The following NKAIN3 variants were observed in gnomAD, a reference collection of about 807,000 sequenced individuals.
The protein encoded by NKAIN3 is sodium/potassium-transporting ATPase subunit beta-1-interacting protein 3.
Under a neutral mutation model 30.2 loss-of-function variants are expected in NKAIN3, and 25 were observed. The ratio of observed to expected loss-of-function variants is 0.83; its 90% CI spans 0.60 to 1.16. NKAIN3 has a LOEUF of 1.16. Ranked by LOEUF, NKAIN3 falls within the 50% of genes most tolerant of loss-of-function variation. The pLI is 0.00. For missense variants in NKAIN3, 225 were observed against 254.1 expected (o/e 0.89, Z 0.78); for synonymous variants, 91 against 89.6 (o/e 1.02, Z -0.09).
chr8:62,942,861 G>A (rs192807581), intron 5 of NKAIN3, among the ~76,000 whole-genome samples: 55 of 151,748 alleles, frequency 3.6e-4, no homozygotes, highest in Admixed American at 3.1e-3. Context: ...CTCATCTTTC[G>A]CCTTATATGT....
chr8:62,907,698 T>C (rs1394212117), intron 4 of NKAIN3, among the ~76,000 whole-genome samples: 1 of 152,202 alleles, frequency 6.6e-6, no homozygotes, highest in Non-Finnish European at 1.5e-5. Flanking sequence ...CTTGGCAGCA[T>C]ACACGTGGTA....
intron 4 of NKAIN3, chr8:62,863,102 C>T: frequency 7.8e-7 from 1 of 1,278,014 alleles, no homozygotes; most frequent in Non-Finnish European, 1.1e-6. Flanking sequence ...AAAGGGTATT[C>T]CCCATCCTGC....
chr8:62,716,153 G>A (rs769211419), intron 3 of NKAIN3, among the ~76,000 whole-genome samples: 8 of 151,976 alleles, frequency 5.3e-5, no homozygotes, highest in Admixed American at 2.0e-4. Flanking sequence ...TCCTGTAGCT[G>A]CACAGTCAAT....
intron 1 of NKAIN3, among the ~76,000 whole-genome samples, chr8:62,412,922 C>A (rs76479851): frequency 0.36 from 27,667 of 77,542 alleles, 3,114 homozygotes; most frequent in East Asian, 0.55. Flanking sequence ...AAAAAAAAAA[C>A]AAAAAAAAAA....
At chr8:62,829,242 G>A (rs1417927069) in intron 4 of NKAIN3, among the ~76,000 whole-genome samples, 1 of 152,182 alleles carries the variant, frequency 6.6e-6, no homozygotes, top group East Asian at 1.9e-4. Context: ...ATGATCTGAA[G>A]TGTTGTGAAA....
At chr8:62,938,201 C>T (rs1822847192) in intron 5 of NKAIN3, among the ~76,000 whole-genome samples, 1 of 152,060 alleles carries the variant, frequency 6.6e-6, no homozygotes, top group Non-Finnish European at 1.5e-5. Flanking sequence ...AGTGCTCCTC[C>T]AGGTGACCGT....
intron 3 of NKAIN3, among the ~76,000 whole-genome samples, chr8:62,615,876 T>G (rs1380039589): frequency 1.3e-5 from 2 of 151,946 alleles, no homozygotes; most frequent in African/African-American, 2.4e-5. Context: ...GATTCTAGAC[T>G]TTTTTTTAAT....
intron 4 of NKAIN3, among the ~76,000 whole-genome samples, chr8:62,798,553 C>T (rs1817945056): frequency 6.7e-6 from 1 of 150,360 alleles, no homozygotes; most frequent in Non-Finnish European, 1.5e-5. Flanking sequence ...GCCTGGGTGA[C>T]AGAGTGAGAC....
chr8:62,735,848 T>G (rs1815646019), intron 3 of NKAIN3, among the ~76,000 whole-genome samples: 1 of 32,240 alleles, frequency 3.1e-5, no homozygotes, highest in South Asian at 7.2e-4. Flanking sequence ...CATGTGGTGC[T>G]CTCCCCCCTT....
chr8:62,492,257 A>G (rs917976257), intron 1 of NKAIN3, among the ~76,000 whole-genome samples: 1 of 152,148 alleles, frequency 6.6e-6, no homozygotes, highest in African/African-American at 2.4e-5. Context: ...TTTCTCCACA[A>G]GTGTAGAGTG....
At chr8:62,500,483 AAG>A (rs68106516) in intron 1 of NKAIN3, among the ~76,000 whole-genome samples, 1 of 143,452 alleles carries the variant, frequency 7.0e-6, no homozygotes, top group Non-Finnish European at 1.5e-5. Flanking sequence ...GAAAGAAAGA[AAG>A]AAGAAAAGAA....
At chr8:62,481,373 C>T (rs908640382) in intron 1 of NKAIN3, among the ~76,000 whole-genome samples, 1 of 152,112 alleles carries the variant, frequency 6.6e-6, no homozygotes, top group Admixed American at 6.6e-5. Flanking sequence ...GCACTTCCTC[C>T]GAGAAGCCTC....
intron 3 of NKAIN3, among the ~76,000 whole-genome samples, chr8:62,694,180 C>T (rs572520803): frequency 6.6e-6 from 1 of 152,124 alleles, no homozygotes; most frequent in Non-Finnish European, 1.5e-5. Flanking sequence ...GAATTTATTC[C>T]TTCTATCTAG....
chr8:62,741,409 AGG>A (rs1563540757), intron 3 of NKAIN3, among the ~76,000 whole-genome samples: 9 of 144,742 alleles, frequency 6.2e-5, no homozygotes, highest in Admixed American at 2.0e-4. Flanking sequence ...GAAGGAAGGA[AGG>A]AAGGAAGGAA....
intron 1 of NKAIN3, among the ~76,000 whole-genome samples, chr8:62,373,146 GT>G (rs1180995030): frequency 6.6e-6 from 1 of 152,150 alleles, no homozygotes; most frequent in African/African-American, 2.4e-5. Context: ...CAGGATCTGT[GT>G]GAAGTGCTAC....
At chr8:62,705,059 A>G (rs1376200103) in intron 3 of NKAIN3, among the ~76,000 whole-genome samples, 7 of 152,166 alleles carry the variant, frequency 4.6e-5, no homozygotes, top group African/African-American at 1.7e-4. Flanking sequence ...GGTTAAATGG[A>G]ATGAAAGGCT....
intron 1 of NKAIN3, among the ~76,000 whole-genome samples, chr8:62,399,784 A>T (rs1054462623): frequency 6.6e-5 from 10 of 152,316 alleles, no homozygotes; most frequent in South Asian, 2.1e-4. Context: ...GCTTTCAGTA[A>T]GTTCCAGGAT....
rs1445458405 is a variant in NKAIN3 at position 62,977,196 on chromosome 8, G to C, written c.*11789G>C. On this transcript the variant is annotated 3_prime_UTR_variant, in exon 7 of 7. Transcript: ENST00000623646. Reference sequence around the variant, plus strand: ...TCTTCTCAAAGAGTATCTTTGTGGTGTTCTCTGTATTTCCTGAATTTGTAT... The same window carrying C: ...TCTTCTCAAAGAGTATCTTTGTGGTCTTCTCTGTATTTCCTGAATTTGTAT... Among the ~76,000 whole-genome samples the C allele has an allele frequency of 6.6e-6, 1 of 152,120 alleles. No individual in the cohort carries two copies. Among genetic ancestry groups the C allele is most frequent in the Non-Finnish European group, 1.5e-5 (1 of 68,020 alleles).
At chr8:62,934,680 G>GT (rs1420412824) in intron 5 of NKAIN3, among the ~76,000 whole-genome samples, 1 of 151,966 alleles carries the variant, frequency 6.6e-6, no homozygotes, top group Non-Finnish European at 1.5e-5. Flanking sequence ...CAGAATAAGC[G>GT]TATCAGTGAA....
Sources: allele counts gnomAD v4.1 joint callset (sites outside exome capture counted in the v4.1 genomes callset), GRCh38; gene constraint gnomAD v4.1.1; transcripts MANE v1.5; gene names NCBI Gene and HGNC (gene_info 2026-07-23, HGNC 2026-07-21).